The following PHF24 variants were observed in gnomAD, a reference collection of about 807,000 sequenced individuals.
PHF24 encodes PHD finger protein 24.
PHF24 carries 25 observed loss-of-function variants against 42.6 expected under a neutral mutation model. The ratio of observed to expected loss-of-function variants is 0.59; its 90% confidence interval spans 0.43 to 0.82. The LOEUF is 0.82. Among genes scored for constraint, PHF24 ranks in the 40% least tolerant of loss-of-function variants. PHF24 has a pLI of 0.00. For missense variants in PHF24, 470 were observed against 538.1 expected (o/e 0.87, Z 1.25); for synonymous variants, 185 against 204.8 (o/e 0.90, Z 0.83).
the PHF24 span, among the ~76,000 whole-genome samples, chr9:34,945,902 C>T: frequency 1.3e-5 from 2 of 152,160 alleles, no homozygotes; most frequent in African/African-American, 4.8e-5. Context: ...TCAGCAAGGC[C>T]AATGGGAATT....
At chr9:34,690,769 C>T in the PHF24 span, among the ~76,000 whole-genome samples, 2 of 152,044 alleles carry the variant, frequency 1.3e-5, no homozygotes, top group Non-Finnish European at 2.9e-5. Flanking sequence ...GGCTTAGTGT[C>T]TGCCATTCTC....
chr9:34,859,251 C>G, the PHF24 span, among the ~76,000 whole-genome samples: 1 of 152,190 alleles, frequency 6.6e-6, no homozygotes, highest in Non-Finnish European at 1.5e-5. Context: ...TGCTACTTCT[C>G]TCCACCTGAA....
exon 8 of PHF24, chr9:34,978,252 C>T: frequency 1.6e-6 from 1 of 630,558 alleles, no homozygotes; most frequent in Non-Finnish European, 2.8e-6. Context: ...AGCTTTAAGG[C>T]ACTGAAATCA....
the PHF24 span, chr9:34,832,217 G>A: frequency 2.6e-5 from 11 of 421,800 alleles, no homozygotes; most frequent in East Asian, 1.6e-4. Context: ...CAGTTGGGGA[G>A]CCTATAAACT....
the PHF24 span, among the ~76,000 whole-genome samples, chr9:34,809,546 G>A: frequency 6.6e-6 from 1 of 152,184 alleles, no homozygotes; most frequent in African/African-American, 2.4e-5. The surrounding 1 kb of genome is among the most constrained non-coding windows in gnomAD (Gnocchi z 4.1). Context: ...AGTCAGAGTT[G>A]GGTCATTTGG....
chr9:34,903,079 G>A, the PHF24 span, among the ~76,000 whole-genome samples: 4 of 152,084 alleles, frequency 2.6e-5, no homozygotes, highest in Non-Finnish European at 4.4e-5. Context: ...GTTATCCCAC[G>A]TTATACAAGA....
the PHF24 span, among the ~76,000 whole-genome samples, chr9:34,774,115 C>G: frequency 6.6e-6 from 1 of 152,018 alleles, no homozygotes; most frequent in Non-Finnish European, 1.5e-5. Flanking sequence ...AGTCAGAGAC[C>G]TAAATGTAGA....
chr9:34,723,629 G>A, the PHF24 span: 4 of 1,551,590 alleles, frequency 2.6e-6, no homozygotes, highest in Non-Finnish European at 3.5e-6. Context: ...TGTAAGGCTG[G>A]GCTTCTTTTG....
the PHF24 span, among the ~76,000 whole-genome samples, chr9:34,786,708 G>A: frequency 2.6e-5 from 4 of 152,176 alleles, no homozygotes; most frequent in South Asian, 4.1e-4. Flanking sequence ...AGGGCTTGAC[G>A]CAAGCCTGAG....
chr9:34,687,879 G>T, the PHF24 span, among the ~76,000 whole-genome samples: 2,992 of 152,328 alleles, frequency 0.02, 97 homozygotes, highest in African/African-American at 0.069. Flanking sequence ...ATGGATGAAA[G>T]AATGGCTGGG....
chr9:34,801,895 C>T, the PHF24 span, among the ~76,000 whole-genome samples: 2 of 113,506 alleles, frequency 1.8e-5, no homozygotes, highest in Non-Finnish European at 3.5e-5. Flanking sequence ...AACAACAGAC[C>T]GTGGGGCCTG....
At chr9:34,725,043 G>A in the PHF24 span, 1 of 1,552,040 alleles carries the variant, frequency 6.4e-7, no homozygotes, top group Non-Finnish European at 8.7e-7. Flanking sequence ...ACTTTGTGAT[G>A]CAGGTCCGGG....
chr9:34,752,933 A>G, the PHF24 span, among the ~76,000 whole-genome samples: 1 of 152,198 alleles, frequency 6.6e-6, no homozygotes, highest in African/African-American at 2.4e-5. Flanking sequence ...GAAGGACCAA[A>G]TCATGTGATC....
At chr9:34,797,966 C>T in the PHF24 span, among the ~76,000 whole-genome samples, 2 of 152,092 alleles carry the variant, frequency 1.3e-5, no homozygotes, top group Non-Finnish European at 2.9e-5. Flanking sequence ...TTGTATCATT[C>T]CATGTATGTG....
At chr9:34,730,688 A>G in the PHF24 span, among the ~76,000 whole-genome samples, 1 of 152,254 alleles carries the variant, frequency 6.6e-6, no homozygotes, top group Non-Finnish European at 1.5e-5. Context: ...TCTGGCCACA[A>G]ACATTCCATT....
the PHF24 span, among the ~76,000 whole-genome samples, chr9:34,896,886 C>T: frequency 6.6e-6 from 1 of 152,104 alleles, no homozygotes; most frequent in Non-Finnish European, 1.5e-5. Flanking sequence ...CCAAGTGCGG[C>T]GGCTCACACC....
At chr9:34,845,486 G>A in the PHF24 span, among the ~76,000 whole-genome samples, 1 of 151,838 alleles carries the variant, frequency 6.6e-6, no homozygotes, top group Non-Finnish European at 1.5e-5. Flanking sequence ...TATCTTTTGT[G>A]TATCTAGTCT....
chr9:34,834,498 G>T, the PHF24 span: 1 of 1,551,520 alleles, frequency 6.4e-7, no homozygotes, highest in Non-Finnish European at 8.7e-7. Context: ...CAGCGATGGC[G>T]AATCGACTGT....
chr9:34,891,306 A>T, the PHF24 span, among the ~76,000 whole-genome samples: 2 of 152,158 alleles, frequency 1.3e-5, no homozygotes, highest in Admixed American at 6.5e-5. Flanking sequence ...AGGCCTTTGG[A>T]ATACTGCAGA....
Sources: gnomAD v4.1 joint callset for allele counts (sites outside exome capture counted in the v4.1 genomes callset) on GRCh38, gnomAD v4.1.1 for gene constraint, Gnocchi (gnomAD v3.1) non-coding constraint, MANE v1.5 for transcripts, NCBI Gene and HGNC (gene_info 2026-07-23, HGNC 2026-07-21) for gene names.